The following CNTNAP2 variants were observed in gnomAD, a reference collection of about 807,000 sequenced individuals.
CNTNAP2 encodes the protein contactin associated protein 2.
Under a neutral mutation model 155.2 loss-of-function variants are expected in CNTNAP2, and 98 were observed. The observed-to-expected ratio is 0.63, with a 90% confidence interval of 0.54 to 0.75. The LOEUF is 0.75. Among genes scored for constraint, CNTNAP2 ranks in the 30% least tolerant of loss-of-function variants. The probability of loss-of-function intolerance (pLI) is 0.00; values close to 1 mark genes in which losing one functional copy is unlikely to be tolerated. For missense variants in CNTNAP2, 1,727 were observed against 1,688.1 expected (o/e 1.02, Z -0.40); for synonymous variants, 651 against 631.2 (o/e 1.03, Z -0.47).
At chr7:148,088,944 A>G (rs752422817) in intron 15 of CNTNAP2, among the ~76,000 whole-genome samples, 3 of 152,062 alleles carry the variant, frequency 2.0e-5, no homozygotes, top group Non-Finnish European at 4.4e-5. Context: ...ACAGCATACT[A>G]AAAGAATCAT....
chr7:147,505,590 A>G (rs115748330), intron 11 of CNTNAP2, among the ~76,000 whole-genome samples: 1,572 of 152,320 alleles, frequency 0.01, 34 homozygotes, highest in African/African-American at 0.035. Context: ...AAACAATGCA[A>G]AAGAGCGAGG....
At chr7:146,204,661 A>G (rs891790322) in intron 1 of CNTNAP2, among the ~76,000 whole-genome samples, 2 of 152,110 alleles carry the variant, frequency 1.3e-5, no homozygotes, top group African/African-American at 4.8e-5. Flanking sequence ...TACTTTTCAA[A>G]TGTTTCAACC....
intron 9 of CNTNAP2, among the ~76,000 whole-genome samples, chr7:147,383,666 AC>A (rs1424890534): frequency 6.6e-6 from 1 of 152,006 alleles, no homozygotes; most frequent in African/African-American, 2.4e-5. Flanking sequence ...AATACCTAAT[AC>A]ATGTGGGGCT....
chr7:146,416,922 A>G (rs1046718217), intron 1 of CNTNAP2, among the ~76,000 whole-genome samples: 2 of 152,250 alleles, frequency 1.3e-5, no homozygotes, highest in Middle Eastern at 3.4e-3. Context: ...AACTCAAAAA[A>G]TTCCCCAAGC....
intron 1 of CNTNAP2, among the ~76,000 whole-genome samples, chr7:146,222,541 AGTGTGTGTGTGT>A (rs10616515): frequency 6.1e-5 from 9 of 147,378 alleles, no homozygotes; most frequent in Non-Finnish European, 1.0e-4. Flanking sequence ...ACTAAAGCAT[AGTGTGTGTGTGT>A]GTGTGTGTGT....
chr7:146,422,726 A>G (rs1405168), intron 1 of CNTNAP2, among the ~76,000 whole-genome samples: 5,472 of 152,126 alleles, frequency 0.036, 353 homozygotes, highest in African/African-American at 0.12. Context: ...GGCTCAAGCA[A>G]TCTGCCTGCC....
At chr7:147,883,909 T>G (rs979112220) in intron 13 of CNTNAP2, among the ~76,000 whole-genome samples, 3 of 152,100 alleles carry the variant, frequency 2.0e-5, no homozygotes, top group Admixed American at 2.0e-4. Flanking sequence ...GATCATAAAC[T>G]CTAGTGGGAG....
intron 21 of CNTNAP2, among the ~76,000 whole-genome samples, chr7:148,352,623 C>T (rs4573177): frequency 0.63 from 95,968 of 152,156 alleles, 30,823 homozygotes; most frequent in East Asian, 0.95. Context: ...GGGGCAGGCT[C>T]AGTCTCCCAG....
At chr7:148,279,621 G>A (rs577447164) in intron 21 of CNTNAP2, among the ~76,000 whole-genome samples, 5 of 152,232 alleles carry the variant, frequency 3.3e-5, no homozygotes, top group African/African-American at 7.2e-5. Flanking sequence ...CCTGTAACAC[G>A]GCCTTTTCCT....
intron 17 of CNTNAP2, among the ~76,000 whole-genome samples, chr7:148,166,769 A>G (rs1466557833): frequency 1.3e-5 from 2 of 152,210 alleles, no homozygotes; most frequent in Admixed American, 6.5e-5. Context: ...TACAATGACA[A>G]TGTGTTGATT....
At chr7:147,371,677 C>G (rs1389462538) in intron 9 of CNTNAP2, among the ~76,000 whole-genome samples, 2 of 152,074 alleles carry the variant, frequency 1.3e-5, no homozygotes, top group East Asian at 3.9e-4. Context: ...ACATTCACCA[C>G]TAAACCTGAG....
At chr7:146,467,206 T>C (rs1393112008) in intron 1 of CNTNAP2, among the ~76,000 whole-genome samples, 1 of 152,144 alleles carries the variant, frequency 6.6e-6, no homozygotes, top group Non-Finnish European at 1.5e-5. Context: ...TACCACTTCT[T>C]AACTATATTA....
chr7:146,671,146 C>T (rs114813067), intron 1 of CNTNAP2, among the ~76,000 whole-genome samples: 6,080 of 152,140 alleles, frequency 0.04, 341 homozygotes, highest in African/African-American at 0.12. Flanking sequence ...TCTTCTTAAA[C>T]TGTAAAAACA....
chr7:147,138,502 C>T (rs1240415835), intron 8 of CNTNAP2, among the ~76,000 whole-genome samples: 1 of 151,982 alleles, frequency 6.6e-6, no homozygotes, highest in Non-Finnish European at 1.5e-5. Flanking sequence ...CTTCACCCAA[C>T]TGACTTTTTA....
At chr7:147,983,408 A>G (rs1801566214) in intron 15 of CNTNAP2, among the ~76,000 whole-genome samples, 1 of 151,996 alleles carries the variant, frequency 6.6e-6, no homozygotes, top group Non-Finnish European at 1.5e-5. Context: ...TTCTCTCAAC[A>G]TCCCTTAATA....
chr7:146,181,009 A>G (rs1400857867), intron 1 of CNTNAP2, among the ~76,000 whole-genome samples: 1 of 152,032 alleles, frequency 6.6e-6, no homozygotes, highest in African/African-American at 2.4e-5. Context: ...TCTTGGCTCC[A>G]CTTTTCCCAG....
At chr7:148,258,165 T>C (rs777485934) in intron 20 of CNTNAP2, among the ~76,000 whole-genome samples, 1 of 152,198 alleles carries the variant, frequency 6.6e-6, no homozygotes, top group Non-Finnish European at 1.5e-5. Context: ...GGATTTCCAC[T>C]GCACCTGCTG....
intron 14 of CNTNAP2, among the ~76,000 whole-genome samples, chr7:147,916,432 G>A (rs574629497): frequency 6.6e-6 from 1 of 152,134 alleles, no homozygotes; most frequent in African/African-American, 2.4e-5. Context: ...AGCAAAGAGA[G>A]CGATTAATCA....
intron 13 of CNTNAP2, among the ~76,000 whole-genome samples, chr7:147,739,313 C>G (rs1796916460): frequency 6.6e-6 from 1 of 152,112 alleles, no homozygotes. Context: ...CACTGTTAAT[C>G]TCAATGCCCT....
Sources: gnomAD v4.1 joint callset for allele counts (sites outside exome capture counted in the v4.1 genomes callset) on GRCh38, gnomAD v4.1.1 for gene constraint, MANE v1.5 for transcripts, NCBI Gene and HGNC (gene_info 2026-07-23, HGNC 2026-07-21) for gene names.